PKP4: variants seen among roughly 807,000 people sequenced by gnomAD.
PKP4 encodes the protein plakophilin 4.
Under a neutral mutation model 145.1 loss-of-function variants are expected in PKP4, and 90 were observed. The observed-to-expected ratio is 0.62, with a 90% CI of 0.52 to 0.74. The LOEUF (loss-of-function observed/expected upper bound fraction) is 0.74. Among genes scored for constraint, PKP4 ranks in the 30% least tolerant of loss-of-function variants. PKP4 has a pLI of 0.00. For synonymous variants in PKP4, 563 were observed against 577.2 expected (o/e 0.98, Z 0.35); for missense variants, 1,340 against 1,482.7 (o/e 0.90, Z 1.58).
At chr2:158,474,943 T>G (rs961822531) in intron 1 of PKP4, among the ~76,000 whole-genome samples, 3 of 150,716 alleles carry the variant, frequency 2.0e-5, no homozygotes, top group Non-Finnish European at 3.0e-5. Flanking sequence ...TTGCTAAACA[T>G]TTTTAACTCA....
At chr2:158,545,975 T>A (rs1472817446) in intron 2 of PKP4, among the ~76,000 whole-genome samples, 2 of 152,190 alleles carry the variant, frequency 1.3e-5, no homozygotes, top group African/African-American at 4.8e-5. Flanking sequence ...CTGGTTTGAA[T>A]CTTGAAGAAA....
intron 2 of PKP4, among the ~76,000 whole-genome samples, chr2:158,556,523 C>CT (rs11378372): frequency 0.72 from 103,463 of 144,256 alleles, 38,121 homozygotes; most frequent in East Asian, 0.91. Context: ...CTCTTTCTCT[C>CT]TTTTTTTTTT....
rs1188607276 is a variant in PKP4, at chr2:158,642,651, C to T, written c.1861C>T (p.Arg621Ter). ...TGTTGGTGGGATACCTGCCTTGTTGCGACTGTTGAGAAAATCTATTGATGC... is the reference window on the plus strand; with the variant it reads ...TGTTGGTGGGATACCTGCCTTGTTGTGACTGTTGAGAAAATCTATTGATGC... ...KNVGGIPALL[R>*]LLRKSIDAEV... The change falls in exon 11 of 22, where the codon CGA becomes TGA. Residue 621 changes from arginine (R) to a stop codon, truncating the protein, a stop_gained. Transcript: ENST00000389759. LOFTEE classifies it high-confidence loss of function. 1.2e-6 allele frequency: 2 copies of T among 1,610,444 alleles called. No homozygotes were observed. The highest frequency in any genetic ancestry group is 2.2e-5 in the South Asian group (2 of 90,638).
At chr2:158,561,888 A>G (rs966014846) in intron 2 of PKP4, among the ~76,000 whole-genome samples, 2 of 151,642 alleles carry the variant, frequency 1.3e-5, no homozygotes, top group East Asian at 1.9e-4. Flanking sequence ...TGCTGCATCC[A>G]TCAACATTAG....
chr2:158,544,393 C>G (rs1178037585), intron 2 of PKP4, among the ~76,000 whole-genome samples: 1 of 152,056 alleles, frequency 6.6e-6, no homozygotes, highest in Non-Finnish European at 1.5e-5. Flanking sequence ...CACTTATTTC[C>G]TTTTGGGAAG....
intron 11 of PKP4, among the ~76,000 whole-genome samples, chr2:158,654,485 T>G (rs2055718708): frequency 6.6e-6 from 1 of 152,236 alleles, no homozygotes; most frequent in African/African-American, 2.4e-5. Context: ...AACAACTTTA[T>G]ATTTTATAAT....
At chr2:158,559,666 G>A (rs1364228892) in intron 2 of PKP4, among the ~76,000 whole-genome samples, 1 of 152,110 alleles carries the variant, frequency 6.6e-6, no homozygotes, top group Admixed American at 6.5e-5. Context: ...GTAGGGAATT[G>A]TTACCATGAA....
At chr2:158,522,150 G>A (rs539728706) in intron 1 of PKP4, among the ~76,000 whole-genome samples, 1 of 152,232 alleles carries the variant, frequency 6.6e-6, no homozygotes, top group Non-Finnish European at 1.5e-5. Context: ...AAGTGTACTT[G>A]GTATGCTTTC....
intron 4 of PKP4, among the ~76,000 whole-genome samples, chr2:158,609,976 A>G (rs1348473931): frequency 6.6e-6 from 1 of 152,082 alleles, no homozygotes; most frequent in African/African-American, 2.4e-5. Context: ...AAACATTTTT[A>G]TTTTCTCAGG....
chr2:158,668,523 G>T (rs2057307151), intron 16 of PKP4, among the ~76,000 whole-genome samples: 1 of 152,244 alleles, frequency 6.6e-6, no homozygotes, highest in Non-Finnish European at 1.5e-5. Context: ...CTCATTCATA[G>T]GCAGAGTGAG....
At chr2:158,583,591 C>T (rs919140876) in intron 3 of PKP4, among the ~76,000 whole-genome samples, 2 of 152,146 alleles carry the variant, frequency 1.3e-5, no homozygotes, top group Non-Finnish European at 2.9e-5. Flanking sequence ...CAATCCTTTA[C>T]TAGCACTTTT....
chr2:158,603,309 A>G (rs1165508184), intron 4 of PKP4, among the ~76,000 whole-genome samples: 1 of 152,178 alleles, frequency 6.6e-6, no homozygotes, highest in Non-Finnish European at 1.5e-5. Flanking sequence ...GTAATGAAAA[A>G]GCATTGAACA....
chr2:158,610,482 G>A (rs1410748295), intron 4 of PKP4, among the ~76,000 whole-genome samples: 2 of 152,206 alleles, frequency 1.3e-5, no homozygotes, highest in Non-Finnish European at 2.9e-5. Context: ...GAGCGAAAAT[G>A]CTATACAGAA....
In PKP4 at chr2:158,614,186, G is replaced by C. The variant is rs114461474; in HGVS notation, c.281-6804G>C. On this transcript the variant is annotated intron_variant, in intron 4 of 21. Transcript: ENST00000389759. Reference sequence around the variant, plus strand: ...GAAGTATTTAGAGTTGAAATGATCCGACGTGAGAGATTTGTTTTGAACTTC... The same window carrying C: ...GAAGTATTTAGAGTTGAAATGATCCCACGTGAGAGATTTGTTTTGAACTTC... 3.8e-3 allele frequency among the ~76,000 whole-genome samples: 577 copies of C among 152,264 alleles called. 1 individual carries two copies. Among genetic ancestry groups the C allele is most frequent in the Non-Finnish European group, 5.5e-3 (373 of 67,998 alleles).
chr2:158,578,448 A>G (rs1384020671), intron 3 of PKP4, among the ~76,000 whole-genome samples: 1 of 152,116 alleles, frequency 6.6e-6, no homozygotes, highest in Non-Finnish European at 1.5e-5. Flanking sequence ...GCAAGGTATA[A>G]AATAATAAAT....
At chr2:158,507,875 T>C (rs2041136645) in intron 1 of PKP4, among the ~76,000 whole-genome samples, 1 of 152,170 alleles carries the variant, frequency 6.6e-6, no homozygotes, top group Non-Finnish European at 1.5e-5. Context: ...TAGAGTAATG[T>C]GACCCTGTTG....
intron 1 of PKP4, among the ~76,000 whole-genome samples, chr2:158,483,102 C>A (rs548769048): frequency 2.8e-4 from 42 of 152,066 alleles, no homozygotes; most frequent in Non-Finnish European, 2.4e-4. Context: ...ATTAGTGTGT[C>A]CTTAAAAAAA....
chr2:158,621,604 G>A (rs541352065), intron 6 of PKP4, among the ~76,000 whole-genome samples, 183 bp downstream of exon 6: 1 of 152,144 alleles, frequency 6.6e-6, no homozygotes, highest in African/African-American at 2.4e-5. Context: ...AAATTAGCCG[G>A]GCGTGGTGGC....
intron 11 of PKP4, among the ~76,000 whole-genome samples, chr2:158,643,912 C>A (rs914478910): frequency 6.6e-6 from 1 of 151,930 alleles, no homozygotes; most frequent in Non-Finnish European, 1.5e-5. Context: ...ATTACACACA[C>A]GCGCCACCAA....
Sources: gnomAD v4.1 joint callset for allele counts (sites outside exome capture counted in the v4.1 genomes callset) on GRCh38, gnomAD v4.1.1 for gene constraint, MANE v1.5 for transcripts, NCBI Gene and HGNC (gene_info 2026-07-23, HGNC 2026-07-21) for gene names.